The following MRTFB variants were observed in gnomAD, a reference collection of about 807,000 sequenced individuals.
MRTFB encodes the protein myocardin related transcription factor B.
A neutral mutation model predicts 104.2 loss-of-function variants in MRTFB; 29 were observed. That is an observed-to-expected ratio of 0.28 (90% CI 0.21 to 0.38). MRTFB has a LOEUF of 0.38. Among genes scored for constraint, MRTFB ranks in the 10% least tolerant of loss-of-function variants. MRTFB has a pLI of 1.00. For synonymous variants in MRTFB, 535 were observed against 519.5 expected, an observed-to-expected ratio of 1.03 and a Z score of -0.41; for missense variants, 1,270 against 1,341.6, an observed-to-expected ratio of 0.95 and a Z score of 0.83.
At chr16:14,041,626 G>A in the MRTFB span, among the ~76,000 whole-genome samples, 3 of 152,082 alleles carry the variant, frequency 2.0e-5, no homozygotes, top group Non-Finnish European at 4.4e-5. Flanking sequence ...ATGAACATGA[G>A]TATATAAATT....
chr16:14,211,644 T>G (rs955876079), intron 4 of MRTFB, among the ~76,000 whole-genome samples: 6 of 152,190 alleles, frequency 3.9e-5, no homozygotes, highest in Non-Finnish European at 8.8e-5. Context: ...AAGCACTGCT[T>G]ACCCTCACAC....
chr16:14,186,082 A>C (rs4781581), intron 3 of MRTFB, among the ~76,000 whole-genome samples: 17,420 of 152,240 alleles, frequency 0.11, 2,292 homozygotes, highest in African/African-American at 0.32. Context: ...AATCATGGCA[A>C]TGTTAACTCT....
intron 2 of MRTFB, among the ~76,000 whole-genome samples, chr16:14,102,223 TA>T (rs1159790447): frequency 1.3e-5 from 2 of 152,092 alleles, no homozygotes; most frequent in African/African-American, 4.8e-5. Flanking sequence ...TTTTCAAAGT[TA>T]AAACTTAATT....
At chr16:14,000,301 C>T in the MRTFB span, among the ~76,000 whole-genome samples, 5 of 152,302 alleles carry the variant, frequency 3.3e-5, no homozygotes, top group East Asian at 3.9e-4. Flanking sequence ...GGGAGGAGGA[C>T]GCATAGGTCA....
chr16:14,068,257 C>T (rs77072982), upstream of MRTFB, among the ~76,000 whole-genome samples: 6,503 of 152,272 alleles, frequency 0.043, 223 homozygotes, highest in Non-Finnish European at 0.061. Flanking sequence ...CTTTGATTTA[C>T]TGAGTGCTTA....
intron 8 of MRTFB, among the ~76,000 whole-genome samples, chr16:14,225,689 CATT>C: frequency 6.6e-6 from 1 of 150,844 alleles, no homozygotes; most frequent in South Asian, 2.1e-4. Flanking sequence ...TTCATTCATT[CATT>C]CATGCCTGGC....
At chr16:14,241,820 G>A (rs908248143) in intron 10 of MRTFB, among the ~76,000 whole-genome samples, 5 of 152,142 alleles carry the variant, frequency 3.3e-5, no homozygotes, top group Middle Eastern at 3.4e-3. Flanking sequence ...AGGCAGGCCC[G>A]AGTGAGCTAT....
chr16:14,257,884 G>A (rs950283899), intron 15 of MRTFB, among the ~76,000 whole-genome samples: 2 of 152,182 alleles, frequency 1.3e-5, no homozygotes, highest in Admixed American at 1.3e-4. Context: ...ATAGAAATCG[G>A]TGGAGCTGGG....
chr16:14,223,263 T>G (rs1296373964), intron 8 of MRTFB, among the ~76,000 whole-genome samples: 1 of 151,772 alleles, frequency 6.6e-6, no homozygotes, highest in African/African-American at 2.4e-5. Context: ...TGACCCAAGA[T>G]CATACCACTA....
chr16:14,100,072 T>G (rs1032440788), intron 2 of MRTFB, among the ~76,000 whole-genome samples: 38 of 152,250 alleles, frequency 2.5e-4, no homozygotes, highest in African/African-American at 8.7e-4. Flanking sequence ...TCCTTTCTAA[T>G]CTGAGTGCCT....
intron 9 of MRTFB, among the ~76,000 whole-genome samples, chr16:14,240,022 A>G (rs953929555): frequency 6.6e-6 from 1 of 152,246 alleles, no homozygotes; most frequent in African/African-American, 2.4e-5. Flanking sequence ...CCATACCCTG[A>G]GGGAACAGTG....
the MRTFB span, among the ~76,000 whole-genome samples, chr16:14,064,839 C>A: frequency 3.3e-5 from 5 of 152,324 alleles, no homozygotes; most frequent in South Asian, 1.0e-3. Context: ...TGTACCAGAA[C>A]CACGCTGTTT....
the MRTFB span, among the ~76,000 whole-genome samples, chr16:14,053,238 GTA>G: frequency 2.8e-4 from 43 of 152,044 alleles, no homozygotes; most frequent in African/African-American, 9.9e-4. Context: ...CTGTGTGTGT[GTA>G]TGTGTGTGTG....
intron 2 of MRTFB, among the ~76,000 whole-genome samples, chr16:14,139,959 A>G (rs1207914292): frequency 3.9e-5 from 6 of 152,196 alleles, no homozygotes; most frequent in African/African-American, 1.2e-4. Flanking sequence ...GCTGATTTCC[A>G]TATCAGTCAG....
intron 3 of MRTFB, among the ~76,000 whole-genome samples, chr16:14,163,715 C>T (rs2039125838): frequency 6.6e-6 from 1 of 151,800 alleles, no homozygotes; most frequent in South Asian, 2.1e-4. Flanking sequence ...CACCTGTAAT[C>T]CCGGCTATTT....
chr16:14,075,826 A>G (rs367647951), intron 1 of MRTFB, among the ~76,000 whole-genome samples: 2 of 152,236 alleles, frequency 1.3e-5, no homozygotes, highest in East Asian at 1.9e-4. Flanking sequence ...CCAATTTCAG[A>G]GAAAACTTAG....
chr16:14,002,345 T>A, the MRTFB span, among the ~76,000 whole-genome samples: 1 of 151,066 alleles, frequency 6.6e-6, no homozygotes, highest in Non-Finnish European at 1.5e-5. Flanking sequence ...ATGATGCCAC[T>A]GCACTCCAGC....
chr16:14,235,484 C>T (rs8049506), intron 9 of MRTFB, among the ~76,000 whole-genome samples: 4,334 of 152,330 alleles, frequency 0.028, 74 homozygotes, highest in Middle Eastern at 0.085. Flanking sequence ...CTCTCCCTCT[C>T]TCTGAATGTC....
At chr16:14,167,695 T>G (rs760653528) in intron 3 of MRTFB, among the ~76,000 whole-genome samples, 3 of 152,100 alleles carry the variant, frequency 2.0e-5, no homozygotes, top group Non-Finnish European at 2.9e-5. Context: ...TTTTGTTTTG[T>G]TTTTGTTTGT....
Sources: allele counts gnomAD v4.1 joint callset (sites outside exome capture counted in the v4.1 genomes callset), GRCh38; gene constraint gnomAD v4.1.1; transcripts MANE v1.5; gene names NCBI Gene and HGNC (gene_info 2026-07-23, HGNC 2026-07-21).